TLN2: variants seen among roughly 807,000 people sequenced by gnomAD.
TLN2 encodes talin 2.
TLN2 carries 118 observed loss-of-function variants against 294.7 expected under a neutral mutation model. That is an observed-to-expected ratio of 0.40 (90% confidence interval 0.34 to 0.47). TLN2 has a LOEUF of 0.47. Ranked by LOEUF, TLN2 falls within the 20% of genes least tolerant of loss-of-function variation. TLN2 has a pLI of 0.84. For synonymous variants in TLN2, 1,431 were observed against 1,304.5 expected (o/e 1.10, Z -2.09); for missense variants, 3,083 against 3,282.2 (o/e 0.94, Z 1.48).
chr15:62,424,231 G>T (rs1249127893), intron 1 of TLN2, among the ~76,000 whole-genome samples: 1 of 152,206 alleles, frequency 6.6e-6, no homozygotes, highest in Non-Finnish European at 1.5e-5. Flanking sequence ...AGTGATTGGG[G>T]TGGTTGTGGG....
Position 62,710,015 on chromosome 15 carries a change from G to T in TLN2, c.2467+1219G>T, listed in dbSNP as rs1294420571. 2.0e-5 allele frequency among the ~76,000 whole-genome samples: 3 copies of T among 152,204 alleles called. No homozygotes were observed. In the East Asian group the frequency reaches 5.8e-4, roughly 29 times the overall value. On this transcript the variant is annotated intron_variant, in intron 21 of 58. Coordinates refer to ENST00000636159, the MANE Select transcript of TLN2 (RefSeq NM_015059.3). ...CTCCCAAAGTGCTGGGATTACAGGGGTGAGCCACCATGCCCAACCTGGACT... is the reference window on the plus strand; with the variant it reads ...CTCCCAAAGTGCTGGGATTACAGGGTTGAGCCACCATGCCCAACCTGGACT...
chr15:62,719,497 G>A (rs2059991236), intron 24 of TLN2, among the ~76,000 whole-genome samples: 1 of 152,092 alleles, frequency 6.6e-6, no homozygotes, highest in African/African-American at 2.4e-5. Flanking sequence ...AATTCTTTTA[G>A]GCCTCATCAT....
intron 1 of TLN2, among the ~76,000 whole-genome samples, chr15:62,546,838 A>G (rs2042020289): frequency 2.0e-5 from 3 of 152,212 alleles, no homozygotes; most frequent in Admixed American, 2.0e-4. Context: ...AATGAGGAGA[A>G]CAAATCTCCT....
At chr15:62,424,639 T>A (rs527918059) in intron 1 of TLN2, among the ~76,000 whole-genome samples, 4 of 149,826 alleles carry the variant, frequency 2.7e-5, no homozygotes, top group Admixed American at 6.7e-5. Flanking sequence ...CAGGCATCCC[T>A]ATTTTTCTTT....
intron 48 of TLN2, among the ~76,000 whole-genome samples, chr15:62,799,009 G>A (rs1031292711): frequency 2.1e-4 from 32 of 152,166 alleles, no homozygotes; most frequent in African/African-American, 7.5e-4. Flanking sequence ...CCGAGATCAC[G>A]CCACTGCACT....
chr15:62,798,939 C>T (rs1338304193), intron 48 of TLN2, among the ~76,000 whole-genome samples: 1 of 152,236 alleles, frequency 6.6e-6, no homozygotes, highest in Non-Finnish European at 1.5e-5. Context: ...GTAATCCCAG[C>T]TACTCGGGAG....
At chr15:62,724,868 T>C in intron 26 of TLN2, 108 bp from the exon 27 acceptor site, 1 of 1,360,588 alleles carries the variant, frequency 7.3e-7, no homozygotes, top group Non-Finnish European at 9.7e-7. Flanking sequence ...CCTGCTGGAT[T>C]TGGAGAATCA....
chr15:62,566,151 T>A (rs1462334130), intron 1 of TLN2, among the ~76,000 whole-genome samples: 1 of 152,118 alleles, frequency 6.6e-6, no homozygotes, highest in Middle Eastern at 3.2e-3. Flanking sequence ...GTTATATCCC[T>A]GAGAACACAC....
intron 58 of TLN2, among the ~76,000 whole-genome samples, chr15:62,840,107 C>G (rs1461320988): frequency 1.3e-5 from 2 of 152,210 alleles, no homozygotes; most frequent in East Asian, 1.9e-4. Context: ...GACAGTGGAC[C>G]TACATTGCTC....
chr15:62,438,574 T>C (rs143594700), intron 1 of TLN2, among the ~76,000 whole-genome samples: 2 of 152,290 alleles, frequency 1.3e-5, no homozygotes, highest in African/African-American at 4.8e-5. Flanking sequence ...TCAGCCCATG[T>C]TGTTTACAGC....
intron 1 of TLN2, among the ~76,000 whole-genome samples, chr15:62,438,296 G>A (rs1250104387): frequency 1.2e-5 from 1 of 84,922 alleles, no homozygotes; most frequent in African/African-American, 3.5e-5. Context: ...AAAGGGAGTG[G>A]GGGCTATTAC....
chr15:62,732,322 G>A (rs1337847854), intron 28 of TLN2, among the ~76,000 whole-genome samples: 1 of 152,146 alleles, frequency 6.6e-6, no homozygotes, highest in African/African-American at 2.4e-5. Context: ...CCTAGAAGTA[G>A]CCCCATTTAA....
At chr15:62,695,971 G>A (rs2058300006) in intron 14 of TLN2, among the ~76,000 whole-genome samples, 1 of 152,180 alleles carries the variant, frequency 6.6e-6, no homozygotes, top group Admixed American at 6.5e-5. Flanking sequence ...CATCACTGTG[G>A]GGTCTGATCA....
intron 1 of TLN2, among the ~76,000 whole-genome samples, chr15:62,572,080 T>C (rs929847619): frequency 6.6e-6 from 1 of 152,172 alleles, no homozygotes; most frequent in Non-Finnish European, 1.5e-5. Flanking sequence ...CTGCTTTTCC[T>C]CTAATTCCCT....
At chr15:62,535,314 G>A (rs962107686) in intron 1 of TLN2, among the ~76,000 whole-genome samples, 1 of 152,076 alleles carries the variant, frequency 6.6e-6, no homozygotes, top group African/African-American at 2.4e-5. Flanking sequence ...ATTGATTTGG[G>A]GTACAGCCTA....
intron 40 of TLN2, 69 bp from the exon 41 acceptor site, chr15:62,766,252 C>A (rs908474918): frequency 8.1e-6 from 11 of 1,362,242 alleles, no homozygotes; most frequent in South Asian, 1.3e-5. Flanking sequence ...TTCAGAGGGG[C>A]CTTTTTGAAT....
In TLN2 at chr15:62,435,549, T is replaced by A. The variant is rs1457517577; in HGVS notation, c.-238+44864T>A. ...ATTTGATTTTTAAAATTATTTTTAT[T>A]TATTTTTTTGAAATGGAGTTTTGCT... On this transcript the variant is annotated intron_variant, in intron 1 of 58. Transcript: ENST00000636159. Among the ~76,000 whole-genome samples the A allele has an allele frequency of 3.9e-5, 6 of 152,366 alleles. No individual in the cohort carries two copies. In the East Asian group the frequency reaches 1.2e-3, roughly 29 times the overall value.
At chr15:62,610,616 T>C (rs150087929) in intron 2 of TLN2, among the ~76,000 whole-genome samples, 1 of 152,260 alleles carries the variant, frequency 6.6e-6, no homozygotes, top group African/African-American at 2.4e-5. Flanking sequence ...AGCTTGGCAC[T>C]AAATAAACTG....
At chr15:62,677,667 CT>C (rs936678823) in intron 11 of TLN2, among the ~76,000 whole-genome samples, 9 of 151,912 alleles carry the variant, frequency 5.9e-5, no homozygotes, top group African/African-American at 1.7e-4. Context: ...ACATGGTAGA[CT>C]TTTTTTTCCT....
Sources: gnomAD v4.1 joint callset for allele counts (sites outside exome capture counted in the v4.1 genomes callset) on GRCh38, gnomAD v4.1.1 for gene constraint, MANE v1.5 for transcripts, NCBI Gene and HGNC (gene_info 2026-07-23, HGNC 2026-07-21) for gene names.